The following MBNL1 variants were observed in gnomAD, a reference collection of about 807,000 sequenced individuals.
The protein encoded by MBNL1 is muscleblind-like protein 1.
A neutral mutation model predicts 42.2 loss-of-function variants in MBNL1; 8 were observed. That is an observed-to-expected ratio of 0.19 (90% CI 0.11 to 0.34). The LOEUF (loss-of-function observed/expected upper bound fraction) is 0.34, where lower values mean the gene tolerates loss of function less well. Among genes scored for constraint, MBNL1 ranks in the 10% least tolerant of loss-of-function variants. The pLI is 1.00. For synonymous variants in MBNL1, 169 were observed against 173.9 expected, an observed-to-expected ratio of 0.97 and a Z score of 0.22; for missense variants, 309 against 495.3, an observed-to-expected ratio of 0.62 and a Z score of 3.57.
intron 2 of MBNL1, among the ~76,000 whole-genome samples, chr3:152,386,649 G>A (rs1029877504): frequency 6.6e-6 from 1 of 151,978 alleles, no homozygotes; most frequent in Non-Finnish European, 1.5e-5. Flanking sequence ...TCCCGTTGGT[G>A]TGTCAAGATA....
At chr3:152,252,309 C>G (rs1309156932) in intron 2 of MBNL1, among the ~76,000 whole-genome samples, 2 of 141,096 alleles carry the variant, frequency 1.4e-5, no homozygotes, top group African/African-American at 5.1e-5. Flanking sequence ...TCCTCCCTCT[C>G]TCTTTCTGGC....
At chr3:152,439,853 GTAATAA>G (rs1035285810) in intron 4 of MBNL1, among the ~76,000 whole-genome samples, 4 of 151,466 alleles carry the variant, frequency 2.6e-5, no homozygotes, top group African/African-American at 7.3e-5. Flanking sequence ...ATCTCAAGTA[GTAATAA>G]TAATAATAAT....
At chr3:152,432,269 G>T (rs2099017277) in intron 3 of MBNL1, among the ~76,000 whole-genome samples, 1 of 152,114 alleles carries the variant, frequency 6.6e-6, no homozygotes, top group South Asian at 2.1e-4. Context: ...ATTTATTCCA[G>T]ATAATAGGAC....
chr3:152,268,662 C>T (rs1401457844), upstream of MBNL1: 1 of 426,052 alleles, frequency 2.3e-6, no homozygotes, highest in South Asian at 1.6e-5. Context: ...CGGGCTCCGG[C>T]TTCCTCCTGC....
chr3:152,455,818 G>C (rs1054750060), intron 7 of MBNL1, among the ~76,000 whole-genome samples: 1 of 151,948 alleles, frequency 6.6e-6, no homozygotes, highest in Non-Finnish European at 1.5e-5. Context: ...GAGTTCTGGT[G>C]TGTAAAAAAA....
At chr3:152,449,617 CTAGA>C (rs1195483325) in intron 6 of MBNL1, among the ~76,000 whole-genome samples, 3 of 151,994 alleles carry the variant, frequency 2.0e-5, no homozygotes, top group African/African-American at 2.4e-5. Flanking sequence ...GCCAAAGATG[CTAGA>C]TAAAGTTCAA....
intron 2 of MBNL1, among the ~76,000 whole-genome samples, chr3:152,255,040 C>G (rs1424216739): frequency 1.3e-5 from 2 of 152,008 alleles, no homozygotes; most frequent in Non-Finnish European, 2.9e-5. Context: ...GGTTTAGATA[C>G]AGTTAAGAAT....
intron 2 of MBNL1, among the ~76,000 whole-genome samples, chr3:152,397,013 G>GT (rs1390744586): frequency 6.6e-6 from 1 of 152,126 alleles, no homozygotes; most frequent in East Asian, 1.9e-4. Flanking sequence ...TACACTCATG[G>GT]TAAGTAGTAA....
chr3:152,329,113 T>C (rs944139674), intron 2 of MBNL1, among the ~76,000 whole-genome samples: 2 of 152,118 alleles, frequency 1.3e-5, no homozygotes, highest in Admixed American at 6.6e-5. Flanking sequence ...TGAAGTACTT[T>C]AAACAGGAAT....
At chr3:152,395,589 C>A (rs2097895334) in intron 2 of MBNL1, among the ~76,000 whole-genome samples, 1 of 152,194 alleles carries the variant, frequency 6.6e-6, no homozygotes. Flanking sequence ...CGCAGTCTTT[C>A]TGTATTCTTA....
intron 1 of MBNL1, among the ~76,000 whole-genome samples, chr3:152,293,897 A>G (rs2057328646): frequency 2.0e-5 from 3 of 152,138 alleles, no homozygotes. Flanking sequence ...CCTTGTAAGC[A>G]TCTCTTTATC....
chr3:152,381,523 G>A (rs1403689097), intron 2 of MBNL1, among the ~76,000 whole-genome samples: 1 of 151,842 alleles, frequency 6.6e-6, no homozygotes, highest in Non-Finnish European at 1.5e-5. Flanking sequence ...GAATATTAAA[G>A]CAGAATAGAT....
intron 4 of MBNL1, among the ~76,000 whole-genome samples, chr3:152,442,931 CT>C (rs2099162755): frequency 6.6e-6 from 1 of 151,886 alleles, no homozygotes; most frequent in Non-Finnish European, 1.5e-5. Context: ...CAGTATGTTT[CT>C]GTCCTATTTC....
intron 2 of MBNL1, chr3:152,301,794 AAT>A (rs1194318904): frequency 1.3e-5 from 2 of 152,130 alleles, no homozygotes; most frequent in East Asian, 3.9e-4. Context: ...ATTCAGGTGT[AAT>A]TAGAGACTGA....
chr3:152,264,965 T>C (rs1042352237), upstream of MBNL1: 2 of 152,082 alleles, frequency 1.3e-5, no homozygotes, highest in African/African-American at 2.4e-5. Flanking sequence ...TTTTAAATAA[T>C]GAGCACAAAG....
At chr3:152,336,085 C>A (rs904776015) in intron 2 of MBNL1, among the ~76,000 whole-genome samples, 2 of 152,038 alleles carry the variant, frequency 1.3e-5, no homozygotes, top group Admixed American at 6.6e-5. Flanking sequence ...TTTCCCCTTG[C>A]GATGCTTAAC....
intron 2 of MBNL1, among the ~76,000 whole-genome samples, chr3:152,404,884 G>T (rs2098384977): frequency 6.6e-6 from 1 of 151,552 alleles, no homozygotes; most frequent in South Asian, 2.1e-4. Flanking sequence ...TGCTTCACTA[G>T]GTTTCTTATT....
chr3:152,333,379 G>A (rs766657301), intron 2 of MBNL1, among the ~76,000 whole-genome samples: 1 of 152,198 alleles, frequency 6.6e-6, no homozygotes, highest in Non-Finnish European at 1.5e-5. Flanking sequence ...GTGCATATTT[G>A]TACACAGTTA....
chr3:152,335,697 A>G (rs1334214834), intron 2 of MBNL1, among the ~76,000 whole-genome samples: 1 of 152,120 alleles, frequency 6.6e-6, no homozygotes, highest in African/African-American at 2.4e-5. Context: ...AGACACAAAC[A>G]TGTCAATAGT....
Sources: gnomAD v4.1 joint callset for allele counts (sites outside exome capture counted in the v4.1 genomes callset) on GRCh38, gnomAD v4.1.1 for gene constraint, MANE v1.5 for transcripts, NCBI Gene and HGNC (gene_info 2026-07-23, HGNC 2026-07-21) for gene names.